MB21D2: variants seen among roughly 807,000 people sequenced by gnomAD.
MB21D2 encodes Mab-21 domain containing 2.
A neutral mutation model predicts 33.3 loss-of-function variants in MB21D2; 9 were observed. The observed-to-expected ratio is 0.27, with a 90% CI of 0.16 to 0.47. The LOEUF is 0.47. Among genes scored for constraint, MB21D2 ranks in the 20% least tolerant of loss-of-function variants. The pLI is 0.99. For missense variants in MB21D2, 540 were observed against 624.6 expected (o/e 0.86, Z 1.44); for synonymous variants, 241 against 236.3 (o/e 1.02, Z -0.18).
intron 1 of MB21D2, among the ~76,000 whole-genome samples, chr3:192,828,424 G>C (rs1018774800): frequency 1.9e-4 from 29 of 151,202 alleles, no homozygotes; most frequent in Admixed American, 2.6e-4. Context: ...TGCAGCAGGA[G>C]TGGGGCCCAA....
At position 192,819,193 on chromosome 3, in the gene MB21D2, T is replaced by A. The variant is rs577769292; in HGVS notation, c.212-19543A>T. Among the ~76,000 whole-genome samples the A allele has an allele frequency of 1.4e-4, 21 of 151,806 alleles. No individual in the cohort carries two copies. In the South Asian group the frequency reaches 3.9e-3, roughly 28 times the overall value. On this transcript the variant is annotated intron_variant, in intron 1 of 1. Coordinates refer to ENST00000392452, the MANE Select transcript of MB21D2 (RefSeq NM_178496.4). ...AGAAGAAAAGAGAGATAGGAATCAATGTTTACAGAGTATCTGCTAAGGCCC... is the reference window on the plus strand; with the variant it reads ...AGAAGAAAAGAGAGATAGGAATCAAAGTTTACAGAGTATCTGCTAAGGCCC...
intron 1 of MB21D2, among the ~76,000 whole-genome samples, chr3:192,826,193 T>C (rs1036241922): frequency 1.7e-4 from 26 of 152,346 alleles, no homozygotes; most frequent in African/African-American, 6.0e-4. Flanking sequence ...GTTTAACATT[T>C]ATCATATTCT....
Position 192,799,294 on chromosome 3 carries a change from C to A in MB21D2, c.568G>T (p.Asp190Tyr). 1.2e-6 allele frequency: 2 copies of A among 1,614,202 alleles called. No homozygotes were observed. Among genetic ancestry groups the A allele is most frequent in the South Asian group, 1.1e-5 (1 of 91,078 alleles). The change falls in exon 2 of 2, where the codon GAC (aspartate) becomes TAC (tyrosine). Residue 190 changes from aspartate (D) to tyrosine (Y), a missense_variant. By Grantham distance (160) the Asp-to-Tyr change is radical. Coordinates refer to ENST00000392452, the MANE Select transcript of MB21D2 (RefSeq NM_178496.4). This position sits in a 1 kb window ranked among gnomAD's most constrained non-coding sequence, Gnocchi z 4.1. ...TCTGATAGGACAATGCTGATAGAGTCATAGAACCAGTCAGCCACTTTGGTA... is the reference window on the plus strand; with the variant it reads ...TCTGATAGGACAATGCTGATAGAGTAATAGAACCAGTCAGCCACTTTGGTA... ...SPTKVADWFYDSISIVLSEIQ... is the reference protein window; with the variant it reads ...SPTKVADWFYYSISIVLSEIQ...
intron 1 of MB21D2, among the ~76,000 whole-genome samples, chr3:192,839,528 G>A (rs925895872): frequency 6.6e-6 from 1 of 152,164 alleles, no homozygotes; most frequent in Non-Finnish European, 1.5e-5. Flanking sequence ...TACATTGAAG[G>A]TGACAGTAAG....
intron 1 of MB21D2, among the ~76,000 whole-genome samples, chr3:192,910,392 C>T (rs752886905): frequency 4.6e-5 from 7 of 151,914 alleles, no homozygotes; most frequent in Non-Finnish European, 1.0e-4. Context: ...GTAGGAGGAT[C>T]GCTTGAGCCC....
chr3:192,834,848 G>C (rs1712399121), intron 1 of MB21D2, among the ~76,000 whole-genome samples: 1 of 128,274 alleles, frequency 7.8e-6, no homozygotes, highest in Non-Finnish European at 1.6e-5. Flanking sequence ...GTCTTGCTCT[G>C]ACGCAGGCTG....
At chr3:192,880,894 CA>C (rs1459823991) in intron 1 of MB21D2, among the ~76,000 whole-genome samples, 1 of 152,048 alleles carries the variant, frequency 6.6e-6, no homozygotes, top group African/African-American at 2.4e-5. Context: ...AGATGACAAT[CA>C]TTTTTCAGAT....
chr3:192,904,163 T>G (rs1187792155), intron 1 of MB21D2, among the ~76,000 whole-genome samples: 1 of 152,182 alleles, frequency 6.6e-6, no homozygotes, highest in African/African-American at 2.4e-5. Flanking sequence ...TTATTATTAT[T>G]TTCAAACGTT....
At chr3:192,904,935 C>A (rs1248857822) in intron 1 of MB21D2, among the ~76,000 whole-genome samples, 1 of 152,210 alleles carries the variant, frequency 6.6e-6, no homozygotes, top group African/African-American at 2.4e-5. Flanking sequence ...TTTCTCACAA[C>A]GGGGTAATGA....
intron 1 of MB21D2, among the ~76,000 whole-genome samples, chr3:192,901,613 C>T (rs1393659559): frequency 6.6e-6 from 1 of 152,118 alleles, no homozygotes; most frequent in Non-Finnish European, 1.5e-5. Context: ...AAGGTACAAA[C>T]ATATGCCCTC....
intron 1 of MB21D2, among the ~76,000 whole-genome samples, chr3:192,886,568 T>C (rs1560250808): frequency 6.6e-6 from 1 of 152,128 alleles, no homozygotes; most frequent in Non-Finnish European, 1.5e-5. Flanking sequence ...TCTGCTGTCA[T>C]TTAGAGAGAT....
At chr3:192,838,175 A>C (rs1712481524) in intron 1 of MB21D2, among the ~76,000 whole-genome samples, 1 of 152,200 alleles carries the variant, frequency 6.6e-6, no homozygotes, top group Non-Finnish European at 1.5e-5. Flanking sequence ...TGCTGGAAGA[A>C]GGCCTTGGTT....
At chr3:192,913,112 C>G (rs899313674) in intron 1 of MB21D2, among the ~76,000 whole-genome samples, 2 of 152,198 alleles carry the variant, frequency 1.3e-5, no homozygotes, top group African/African-American at 4.8e-5. Context: ...AATTTAAGTT[C>G]ACTGGATCTT....
chr3:192,835,151 T>TG (rs1712406947), intron 1 of MB21D2, among the ~76,000 whole-genome samples: 1 of 77,716 alleles, frequency 1.3e-5, no homozygotes, highest in South Asian at 5.6e-4. Context: ...AGAAAGTGTC[T>TG]TTAAAAAAAA....
In MB21D2 at chr3:192,819,120, C is replaced by T. The variant is rs139584125; in HGVS notation, c.212-19470G>A. Among the ~76,000 whole-genome samples the T allele has an allele frequency of 3.3e-3, 505 of 152,172 alleles. 1 individual carries two copies. The highest frequency in any genetic ancestry group is 6.8e-3 in the Middle Eastern group (2 of 294). Reference sequence around the variant, plus strand: ...GAGCATGTCTGAAGAATGCTAGATCCCAGGGCTCCTGAAGAGGGAGAGGCC... The same window carrying T: ...GAGCATGTCTGAAGAATGCTAGATCTCAGGGCTCCTGAAGAGGGAGAGGCC... On this transcript the variant is annotated intron_variant, in intron 1 of 1. Transcript: ENST00000392452.
At chr3:192,853,563 T>C (rs1342083776) in intron 1 of MB21D2, among the ~76,000 whole-genome samples, 2 of 152,162 alleles carry the variant, frequency 1.3e-5, no homozygotes, top group Admixed American at 1.3e-4. Flanking sequence ...AATGAATCAA[T>C]GACCCAAACA....
chr3:192,810,612 A>G (rs1264873024), intron 1 of MB21D2, among the ~76,000 whole-genome samples: 1 of 152,208 alleles, frequency 6.6e-6, no homozygotes, highest in East Asian at 1.9e-4. Flanking sequence ...TATAATAGTA[A>G]AATAAATTCC....
rs559560651 is a variant in MB21D2 at position 192,887,919 on chromosome 3, A to G, written c.211+29711T>C. 7.9e-5 allele frequency among the ~76,000 whole-genome samples: 12 copies of G among 152,100 alleles called. No individual in the cohort carries two copies. The South Asian group carries it at 2.5e-3, about 32-fold the overall frequency. ...TGGGGCCTGAAATGCTGCACTTCAA[A>G]CAAGCTCCCAGGTGCTGGTGCTGGT... On this transcript the variant is annotated intron_variant, in intron 1 of 1. Transcript: ENST00000392452.
intron 1 of MB21D2, among the ~76,000 whole-genome samples, chr3:192,865,658 G>C (rs1655074578): frequency 6.6e-6 from 1 of 152,182 alleles, no homozygotes; most frequent in Non-Finnish European, 1.5e-5. Flanking sequence ...ATGAAGCTTA[G>C]AGAAGCAGAT....
Sources: gnomAD v4.1 joint callset for allele counts (sites outside exome capture counted in the v4.1 genomes callset) on GRCh38, gnomAD v4.1.1 for gene constraint, Gnocchi (gnomAD v3.1) non-coding constraint, MANE v1.5 for transcripts, NCBI Gene and HGNC (gene_info 2026-07-23, HGNC 2026-07-21) for gene names.